The following EDDM13 variants were observed in gnomAD, a reference collection of about 807,000 sequenced individuals.
EDDM13 encodes the protein epididymal protein 13.
A neutral mutation model predicts 17.8 loss-of-function variants in EDDM13; 24 were observed. That is an observed-to-expected ratio of 1.35 (90% confidence interval 0.98 to 1.90). EDDM13 has a LOEUF of 1.90. EDDM13 is among the 40% of genes most tolerant of loss of function. The pLI, the probability that EDDM13 is intolerant of heterozygous loss-of-function variation, is 0.00. For synonymous variants in EDDM13, 31 were observed against 37.5 expected (o/e 0.83, Z 0.63); for missense variants, 97 against 100.8 (o/e 0.96, Z 0.16).
At chr19:56,305,082 C>T (rs924207097) in intron 14 of EDDM13, among the ~76,000 whole-genome samples, 3 of 152,176 alleles carry the variant, frequency 2.0e-5, no homozygotes, top group African/African-American at 7.2e-5. Flanking sequence ...TAAATTCACT[C>T]TATAATTTTT....
chr19:56,278,323 A>G (rs1213044099), intron 2 of EDDM13, among the ~76,000 whole-genome samples: 1 of 152,160 alleles, frequency 6.6e-6, no homozygotes, highest in Non-Finnish European at 1.5e-5. Flanking sequence ...TAGGAGAGAC[A>G]AGGTTTCACC....
chr19:56,291,247 C>G (rs1030628947), intron 9 of EDDM13, among the ~76,000 whole-genome samples: 1 of 152,136 alleles, frequency 6.6e-6, no homozygotes. Context: ...CCCTCCTGAC[C>G]CTCGGGGGAG....
rs141672739 is a variant in EDDM13, at chr19:56,298,608, G to A, written c.295+1077G>A. Reference sequence around the variant, plus strand: ...GCGGAAGCTGCAGTGAGCTGAGATCGTGCCACTGTACTCCAGACTGGCAAC... The same window carrying A: ...GCGGAAGCTGCAGTGAGCTGAGATCATGCCACTGTACTCCAGACTGGCAAC... On this transcript the variant is annotated intron_variant, in intron 12 of 14. Transcript: ENST00000649256. Among the ~76,000 whole-genome samples the A allele has an allele frequency of 2.6e-3, 394 of 151,000 alleles. 4 individuals carry two copies. The highest frequency in any genetic ancestry group is 9.1e-3 in the African/African-American group (375 of 41,004).
intron 12 of EDDM13, chr19:56,299,904 G>C (rs955569703): frequency 6.6e-6 from 1 of 152,172 alleles, no homozygotes; most frequent in Admixed American, 6.6e-5. Context: ...AGACGTTCTT[G>C]CTATCACCAC....
intron 6 of EDDM13, among the ~76,000 whole-genome samples, chr19:56,286,977 C>T (rs867949676): frequency 6.6e-6 from 1 of 152,258 alleles, no homozygotes; most frequent in African/African-American, 2.4e-5. Flanking sequence ...ACAGCACGCA[C>T]TGCACAGTGT....
At chr19:56,304,887 T>A (rs1292732519) in intron 14 of EDDM13, 57 bp downstream of exon 14, 1 of 744,652 alleles carries the variant, frequency 1.3e-6, no homozygotes, top group Non-Finnish European at 1.6e-6. Flanking sequence ...TTAGGGGAGG[T>A]TCATCCCAAC....
At chr19:56,291,964 C>T (rs2039538915) in intron 9 of EDDM13, among the ~76,000 whole-genome samples, 1 of 152,128 alleles carries the variant, frequency 6.6e-6, no homozygotes, top group Non-Finnish European at 1.5e-5. Context: ...AGTTATTCCC[C>T]ACAACTTCTT....
chr19:56,272,952 T>G lies in EDDM13; in HGVS notation c.85+33T>G, dbSNP rs572033862. 10 of 943,268 alleles carry G rather than the reference T, an allele frequency of 1.1e-5. No individual in the cohort carries two copies. The Admixed American group carries it at 6.2e-4, about 58-fold the overall frequency. The allele number at this position is 943,268 out of a possible 1,614,324, so 58.4% of individuals were successfully genotyped here. On this transcript the variant is annotated intron_variant, in intron 1 of 14. Coordinates refer to ENST00000649256, the MANE Select transcript of EDDM13 (RefSeq NM_001354658.2). ...TTCCAGCCATGCCTTGTGTCCTCTA[T>G]GTATTTTCTTACAACTTGGGAGGCT...
chr19:56,284,351 G>A (rs756354337), intron 5 of EDDM13, 145 bp downstream of exon 5: 4 of 202,544 alleles, frequency 2.0e-5, no homozygotes, highest in Non-Finnish European at 3.5e-5. Flanking sequence ...CAAGGATTTT[G>A]TGCAAGAATT....
intron 12 of EDDM13, among the ~76,000 whole-genome samples, chr19:56,299,355 A>C (rs2040083640): frequency 6.6e-6 from 1 of 152,044 alleles, no homozygotes; most frequent in Admixed American, 6.6e-5. Context: ...CTGGTCTCAA[A>C]TTCCTGGGCC....
chr19:56,293,849 C>T (rs975759901), intron 9 of EDDM13, among the ~76,000 whole-genome samples: 1 of 151,780 alleles, frequency 6.6e-6, no homozygotes, highest in Non-Finnish European at 1.5e-5. Context: ...CACCCCACCC[C>T]CACAACAAAA....
intron 13 of EDDM13, among the ~76,000 whole-genome samples, chr19:56,302,568 CTTT>C: frequency 3.3e-5 from 3 of 90,304 alleles, no homozygotes; most frequent in African/African-American, 1.0e-4. Flanking sequence ...TCCCCCCTTC[CTTT>C]TCTTCCTCCC....
At chr19:56,293,569 G>T (rs78928704) in intron 9 of EDDM13, among the ~76,000 whole-genome samples, 1 of 152,208 alleles carries the variant, frequency 6.6e-6, no homozygotes, top group Non-Finnish European at 1.5e-5. Flanking sequence ...CTAGTTCCGT[G>T]GGCTTCGGAC....
chr19:56,285,060 T>C, intron 6 of EDDM13, 36 bp downstream of exon 6: 12 of 980,260 alleles, frequency 1.2e-5, no homozygotes, highest in Non-Finnish European at 1.5e-5. Context: ...AACCTGGTCT[T>C]TCTCTTGTCC....
intron 6 of EDDM13, chr19:56,286,301 T>C: frequency 6.6e-6 from 1 of 152,178 alleles, no homozygotes; most frequent in Non-Finnish European, 1.5e-5. Flanking sequence ...ATTACAGGTG[T>C]GAGCCCCGCA....
chr19:56,291,522 G>A lies in EDDM13; in HGVS notation c.232+676G>A, dbSNP rs562858099. 1.3e-3 allele frequency among the ~76,000 whole-genome samples: 197 copies of A among 152,268 alleles called. 1 individual carries two copies. Among genetic ancestry groups the A allele is most frequent in the African/African-American group, 4.5e-3 (186 of 41,558 alleles). ...GGGTGGGAGGAGCTAGGAAGAAGGC[G>A]TTATTAATTTCTTCCTTTTCCTCTC... On this transcript the variant is annotated intron_variant, in intron 9 of 14. Coordinates refer to ENST00000649256, the MANE Select transcript of EDDM13 (RefSeq NM_001354658.2).
At chr19:56,282,428 T>C (rs2038782620) in intron 3 of EDDM13, 63 bp from the exon 4 acceptor site, 1 of 948,722 alleles carries the variant, frequency 1.1e-6, no homozygotes, top group Non-Finnish European at 1.3e-6. Flanking sequence ...GAACCTTCAT[T>C]GGCAATATGG....
intron 6 of EDDM13, among the ~76,000 whole-genome samples, chr19:56,287,613 C>T (rs897446128): frequency 4.6e-5 from 7 of 152,222 alleles, no homozygotes; most frequent in East Asian, 1.9e-4. Context: ...GTGCCTGCCA[C>T]GAAACCAAGT....
intron 1 of EDDM13, among the ~76,000 whole-genome samples, chr19:56,274,126 T>C (rs2038068231): frequency 6.6e-6 from 1 of 152,042 alleles, no homozygotes; most frequent in Non-Finnish European, 1.5e-5. Context: ...TATTTGCAAC[T>C]GGGGAATTGA....
Sources: gnomAD v4.1 joint callset for allele counts (sites outside exome capture counted in the v4.1 genomes callset) on GRCh38, gnomAD v4.1.1 for gene constraint, MANE v1.5 for transcripts, NCBI Gene and HGNC (gene_info 2026-07-23, HGNC 2026-07-21) for gene names.